The following KHDRBS2 variants were observed in gnomAD, a reference collection of about 807,000 sequenced individuals.
The protein encoded by KHDRBS2 is KH RNA binding domain containing, signal transduction associated 2, also known as KH domain-containing, RNA-binding, signal transduction-associated protein 2.
Under a neutral mutation model 44.3 loss-of-function variants are expected in KHDRBS2, and 26 were observed. That is an observed-to-expected ratio of 0.59 (90% CI 0.43 to 0.81). KHDRBS2 has a LOEUF of 0.81. Ranked by LOEUF, KHDRBS2 falls within the 40% of genes least tolerant of loss-of-function variation. The pLI is 0.00. For synonymous variants in KHDRBS2, 194 were observed against 151.1 expected (o/e 1.28, Z -2.08); for missense variants, 476 against 433.1 (o/e 1.10, Z -0.88).
intron 8 of KHDRBS2, among the ~76,000 whole-genome samples, chr6:61,689,762 C>A (rs966737340): frequency 6.6e-6 from 1 of 151,962 alleles, no homozygotes; most frequent in Admixed American, 6.6e-5. Context: ...TATTTTCTGG[C>A]ATCTCTTGTT....
At chr6:62,086,851 T>G (rs1309591678) in intron 2 of KHDRBS2, among the ~76,000 whole-genome samples, 1 of 150,850 alleles carries the variant, frequency 6.6e-6, no homozygotes, top group Non-Finnish European at 1.5e-5. Context: ...CACTATACCC[T>G]CTCCAAATTG....
the KHDRBS2 span, among the ~76,000 whole-genome samples, chr6:61,564,981 C>G: frequency 1.4e-5 from 2 of 143,786 alleles, no homozygotes; most frequent in African/African-American, 4.9e-5. Context: ...AATAAATTTA[C>G]ACATTTACAG....
chr6:61,700,933 A>G (rs1421452188), intron 7 of KHDRBS2, among the ~76,000 whole-genome samples: 1 of 151,928 alleles, frequency 6.6e-6, no homozygotes, highest in Non-Finnish European at 1.5e-5. Flanking sequence ...ATATTATTTG[A>G]GTCACTGAAT....
intron 2 of KHDRBS2, among the ~76,000 whole-genome samples, chr6:62,101,850 T>C (rs1318182192): frequency 3.3e-5 from 5 of 152,224 alleles, no homozygotes; most frequent in Non-Finnish European, 7.4e-5. Flanking sequence ...TTCTGCATCA[T>C]TCTTTTATTG....
At chr6:61,838,093 C>A (rs1278364908) in intron 6 of KHDRBS2, among the ~76,000 whole-genome samples, 3 of 152,026 alleles carry the variant, frequency 2.0e-5, no homozygotes, top group African/African-American at 7.2e-5. Context: ...TAATCAAATT[C>A]TTTCTACTTT....
At chr6:61,547,683 T>C in the KHDRBS2 span, among the ~76,000 whole-genome samples, 1 of 152,126 alleles carries the variant, frequency 6.6e-6, no homozygotes, top group Non-Finnish European at 1.5e-5. Flanking sequence ...CTGGACCAAT[T>C]AAGCCAGTGT....
chr6:61,575,824 A>AT, the KHDRBS2 span, among the ~76,000 whole-genome samples: 1 of 152,190 alleles, frequency 6.6e-6, no homozygotes, highest in Non-Finnish European at 1.5e-5. Context: ...GGAGTTGAAG[A>AT]CCATTATTCT....
intron 6 of KHDRBS2, among the ~76,000 whole-genome samples, chr6:61,790,899 T>C (rs1382995095): frequency 2.0e-5 from 3 of 151,518 alleles, no homozygotes; most frequent in African/African-American, 7.2e-5. Flanking sequence ...GGTCTAGAAT[T>C]TTCTCAGTAG....
chr6:62,243,951 T>G (rs1245460470), intron 1 of KHDRBS2, among the ~76,000 whole-genome samples: 6 of 152,198 alleles, frequency 3.9e-5, no homozygotes, highest in Non-Finnish European at 8.8e-5. Flanking sequence ...ATGTCTTTTT[T>G]TGAATTTTCT....
the KHDRBS2 span, among the ~76,000 whole-genome samples, chr6:61,631,294 G>T: frequency 1.1e-5 from 1 of 93,776 alleles, no homozygotes; most frequent in East Asian, 3.4e-4. Flanking sequence ...AGGGGACACA[G>T]ACGAATAAGC....
rs189077385 is a variant in KHDRBS2, at chr6:62,148,856, G to C, written c.219+28329C>G. Among the ~76,000 whole-genome samples the C allele has an allele frequency of 2.1e-3, 322 of 152,026 alleles. 1 individual carries two copies. Among genetic ancestry groups the C allele is most frequent in the African/African-American group, 7.3e-3 (302 of 41,498 alleles). ...CTGCCCTATGTTTATTTTATCTTAC[G>C]TAAAAATTCAGATTCACTGAGCTAG... On this transcript the variant is annotated intron_variant, in intron 2 of 8. Coordinates refer to ENST00000281156, the MANE Select transcript of KHDRBS2 (RefSeq NM_152688.4).
At chr6:62,018,636 C>T (rs189291659) in intron 3 of KHDRBS2, among the ~76,000 whole-genome samples, 46 of 152,236 alleles carry the variant, frequency 3.0e-4, no homozygotes, top group Middle Eastern at 3.4e-3. Flanking sequence ...TGAGCCACCG[C>T]GCCCGGCCCA....
intron 6 of KHDRBS2, among the ~76,000 whole-genome samples, chr6:61,777,360 G>A (rs1160153498): frequency 6.6e-6 from 1 of 152,080 alleles, no homozygotes; most frequent in Non-Finnish European, 1.5e-5. Context: ...TTTTAGAAGA[G>A]GGCTTGAATT....
chr6:62,171,319 GC>G (rs1819956317), intron 2 of KHDRBS2, among the ~76,000 whole-genome samples: 1 of 151,944 alleles, frequency 6.6e-6, no homozygotes, highest in African/African-American at 2.4e-5. Context: ...AATAGACCAA[GC>G]TGAGGAAAGA....
intron 2 of KHDRBS2, among the ~76,000 whole-genome samples, chr6:62,070,977 T>A (rs1794917872): frequency 6.6e-6 from 1 of 152,170 alleles, no homozygotes; most frequent in Non-Finnish European, 1.5e-5. Context: ...GTGTTCCTAT[T>A]TCTCCACATC....
chr6:61,672,502 C>A, the KHDRBS2 span, among the ~76,000 whole-genome samples: 3 of 152,102 alleles, frequency 2.0e-5, no homozygotes, highest in Admixed American at 6.6e-5. Context: ...TCCTCTCCAG[C>A]ACCTGTAGTT....
chr6:62,169,822 A>G (rs1477122313), intron 2 of KHDRBS2, among the ~76,000 whole-genome samples: 2 of 151,974 alleles, frequency 1.3e-5, no homozygotes, highest in Non-Finnish European at 2.9e-5. Flanking sequence ...AGACCCTGGA[A>G]CAGACTAGCA....
the KHDRBS2 span, among the ~76,000 whole-genome samples, chr6:61,644,891 C>T: frequency 6.6e-6 from 1 of 152,002 alleles, no homozygotes; most frequent in Non-Finnish European, 1.5e-5. Flanking sequence ...CTGTGGAAAG[C>T]AGTGAAGCAG....
chr6:61,882,773 A>G (rs1386325944), intron 6 of KHDRBS2, among the ~76,000 whole-genome samples: 4 of 152,026 alleles, frequency 2.6e-5, no homozygotes, highest in Non-Finnish European at 4.4e-5. Flanking sequence ...CCATAACAGA[A>G]AAGGCCCAAA....
Sources: gnomAD v4.1 joint callset for allele counts (sites outside exome capture counted in the v4.1 genomes callset) on GRCh38, gnomAD v4.1.1 for gene constraint, MANE v1.5 for transcripts, NCBI Gene and HGNC (gene_info 2026-07-23, HGNC 2026-07-21) for gene names.